ZNF519: variants seen among roughly 807,000 people sequenced by gnomAD.
ZNF519 encodes the protein zinc finger protein 519.
In ZNF519, 7 loss-of-function variants were observed where a neutral mutation model predicts 7.4. That is an observed-to-expected ratio of 0.94 (90% CI 0.54 to 1.77). The LOEUF is 1.77. Ranked by LOEUF, ZNF519 falls within the 40% of genes most tolerant of loss-of-function variation. The pLI, the probability that ZNF519 is intolerant of heterozygous loss-of-function variation, is 0.00. For synonymous variants in ZNF519, 179 were observed against 203.3 expected (o/e 0.88, Z 1.02); for missense variants, 586 against 623.1 (o/e 0.94, Z 0.63).
downstream of ZNF519, among the ~76,000 whole-genome samples, chr18:14,098,769 C>T (rs1037064067): frequency 3.9e-5 from 6 of 152,160 alleles, no homozygotes; most frequent in African/African-American, 7.2e-5. Flanking sequence ...TATTTAACCT[C>T]GGGACCTATT....
At chr18:14,129,264 C>A (rs1296459358) in intron 1 of ZNF519, among the ~76,000 whole-genome samples, 1 of 152,132 alleles carries the variant, frequency 6.6e-6, no homozygotes, top group Admixed American at 6.5e-5. Context: ...GTCTTCTAGG[C>A]ACCTGTGTAT....
intron 2 of ZNF519, among the ~76,000 whole-genome samples, chr18:14,107,985 G>A (rs1286193986): frequency 3.3e-5 from 5 of 152,162 alleles, no homozygotes; most frequent in Non-Finnish European, 5.9e-5. Flanking sequence ...TGGGCTTGCC[G>A]AGAGCCTGAG....
chr18:14,122,735 C>T (rs2046275786), intron 2 of ZNF519: 1 of 151,972 alleles, frequency 6.6e-6, no homozygotes, highest in Non-Finnish European at 1.5e-5. Context: ...AGCAAAGATT[C>T]CCAAACTACA....
At position 14,102,059 on chromosome 18, in the gene ZNF519, G is replaced by T; in HGVS notation, c.*2858C>A. ...GGTAGACCACAAATGAACAATCTTT[G>T]TCAACACCATTTTGTTAATTTGTGT... On this transcript the variant is annotated 3_prime_UTR_variant, in exon 3 of 3. Transcript: ENST00000590202. The T allele has an allele frequency of 4.0e-6, 1 of 249,574 alleles. No individual in the cohort carries two copies. 15.5% of individuals were successfully genotyped at this position (249,574 alleles called of 1,614,324 possible).
chr18:14,124,392 T>C lies in ZNF519; in HGVS notation c.88A>G (p.Arg30Gly), dbSNP rs2046285934. ...CLDPAQQNLY[R>G]DVMLENYRNL... is the part of the protein sequence containing the mutation. ...CTGTAGTTCTCCAACATCACATCTCTATATAAATTCTGTTGGGCAGGGTCT... is the reference window on the plus strand; with the variant it reads ...CTGTAGTTCTCCAACATCACATCTCCATATAAATTCTGTTGGGCAGGGTCT... The change falls in exon 2 of 3, where the codon AGA becomes GGA. Residue 30 changes from arginine (R) to glycine (G), a missense_variant. Coordinates refer to ENST00000590202, the MANE Select transcript of ZNF519 (RefSeq NM_145287.4). 4.3e-6 allele frequency: 7 copies of C among 1,612,186 alleles called. No individual in the cohort carries two copies. In the South Asian group the frequency reaches 6.6e-5, roughly 15 times the overall value.
intron 3 of ZNF519, among the ~76,000 whole-genome samples, chr18:14,081,852 G>A (rs2046071731): frequency 6.6e-6 from 1 of 152,008 alleles, no homozygotes; most frequent in Admixed American, 6.5e-5. Context: ...TTTTTCTGAA[G>A]CCTAACAAGA....
At chr18:14,097,163 G>A (rs1032622573), downstream of ZNF519, among the ~76,000 whole-genome samples, 6 of 152,156 alleles carry the variant, frequency 3.9e-5, no homozygotes, top group African/African-American at 1.4e-4. Flanking sequence ...TGGATGAGAG[G>A]TGAGCAGTAA....
At chr18:14,121,421 G>A (rs1426388163) in intron 2 of ZNF519, among the ~76,000 whole-genome samples, 4 of 151,680 alleles carry the variant, frequency 2.6e-5, no homozygotes, top group South Asian at 2.1e-4. Context: ...ATTTCACAAC[G>A]TATACACATA....
In ZNF519 at chr18:14,106,478, T is replaced by C. The variant is rs9953993; in HGVS notation, c.131-69A>G. ...AGTTGAATATACTTTACAAATCTAA[T>C]ATGAAATTTTGCCAAGCTGAGAACA... On this transcript the variant is annotated intron_variant, in intron 2 of 2. Transcript: ENST00000590202. 4.5e-3 allele frequency: 6,262 copies of C among 1,392,284 alleles called. 216 individuals carry two copies. The African/African-American group carries it at 0.075, about 17-fold the overall frequency. The allele number at this position is 1,392,284 out of a possible 1,614,324, so 86.2% of individuals were successfully genotyped here.
At chr18:14,129,510 G>A (rs546329374) in intron 1 of ZNF519, among the ~76,000 whole-genome samples, 3 of 152,220 alleles carry the variant, frequency 2.0e-5, no homozygotes, top group East Asian at 1.9e-4. Flanking sequence ...ACAGGACAAC[G>A]CACAGGGTGA....
chr18:14,079,223 C>G (rs6505873), intron 3 of ZNF519, among the ~76,000 whole-genome samples: 36,985 of 152,020 alleles, frequency 0.24, 4,989 homozygotes, highest in African/African-American at 0.33. Flanking sequence ...AGGAGGGAGA[C>G]CTGTAGTCCA....
At chr18:14,093,957 ATTCT>A (rs1217544552) in intron 2 of ZNF519, among the ~76,000 whole-genome samples, 7 of 152,248 alleles carry the variant, frequency 4.6e-5, no homozygotes, top group African/African-American at 1.7e-4. Flanking sequence ...TCAGCTAACA[ATTCT>A]TTGTCTCTCC....
chr18:14,105,350 A>C lies in ZNF519; in HGVS notation c.1190T>G (p.Met397Arg), dbSNP rs1274635216. 1.2e-6 allele frequency: 2 copies of C among 1,613,898 alleles called. No individual in the cohort carries two copies. The highest frequency in any genetic ancestry group is 2.7e-5 in the African/African-American group (2 of 74,860). Reference protein sequence around the residue: ...RSSYVTQHQRMHTGEKPFKCK... With the variant: ...RSSYVTQHQRRHTGEKPFKCK... ...CTTGAAAGGTTTCTCTCCAGTATGC[A>C]TTCTCTGATGCTGAGTAACGTATGA... The change falls in exon 3 of 3, where the codon ATG (methionine) becomes AGG (arginine). Residue 397 changes from methionine (M) to arginine (R), a missense_variant. Physicochemically the swap from Met to Arg is moderately conservative, Grantham distance 91. Transcript: ENST00000590202.
At chr18:14,075,211 T>C (rs893961628), downstream of ZNF519, 1 of 152,198 alleles carries the variant, frequency 6.6e-6, no homozygotes, top group African/African-American at 2.4e-5. Context: ...AAGATGAGGT[T>C]TGAGTGGGGA....
rs776565749 is a variant in ZNF519 at position 14,104,023 on chromosome 18, T to A, written c.*894A>T. The A allele has an allele frequency of 6.6e-6, 1 of 152,148 alleles. No individual in the cohort carries two copies. The highest frequency in any genetic ancestry group is 2.1e-4 in the South Asian group (1 of 4,832). The allele number at this position is 152,148 out of a possible 1,614,324, so 9.4% of individuals were successfully genotyped here. On this transcript the variant is annotated 3_prime_UTR_variant, in exon 3 of 3. Transcript: ENST00000590202. Reference sequence around the variant, plus strand: ...GATACCATGACCTATGTTAAAAAAATGTGTTCTCTCTTTTCTTAAACTGAG... The same window carrying A: ...GATACCATGACCTATGTTAAAAAAAAGTGTTCTCTCTTTTCTTAAACTGAG...
exon 5 of ZNF519, chr18:14,076,253 T>C (rs1177751828): frequency 6.6e-6 from 1 of 152,202 alleles, no homozygotes; most frequent in Non-Finnish European, 1.5e-5. Context: ...ATTTATAAAA[T>C]ATGATTGTGG....
At chr18:14,128,696 C>T (rs1323639184) in intron 1 of ZNF519, among the ~76,000 whole-genome samples, 6 of 76,908 alleles carry the variant, frequency 7.8e-5, no homozygotes, top group African/African-American at 1.8e-4. Flanking sequence ...GTCAAACACA[C>T]ACACACACAC....
At chr18:14,084,829 G>A (rs900295940) in intron 3 of ZNF519, 1 of 152,126 alleles carries the variant, frequency 6.6e-6, no homozygotes, top group Non-Finnish European at 1.5e-5. Flanking sequence ...TATAGAGAAA[G>A]TATTCTGGAA....
Position 14,115,279 on chromosome 18 carries a change from C to T in ZNF519, c.131-8870G>A, listed in dbSNP as rs79387955. On this transcript the variant is annotated intron_variant, in intron 2 of 2. Transcript: ENST00000590202. Reference sequence around the variant, plus strand: ...GAAAGAAGTGTGGAGTATGTGTCCACATCTCTGGTTTCCGAGGGGCTATCC... The same window carrying T: ...GAAAGAAGTGTGGAGTATGTGTCCATATCTCTGGTTTCCGAGGGGCTATCC... Among the ~76,000 whole-genome samples, 679 of 152,348 alleles carry T rather than the reference C, an allele frequency of 4.5e-3. 30 individuals are homozygous for T. In the East Asian group the frequency reaches 0.099, roughly 22 times the overall value.
Sources: gnomAD v4.1 joint callset for allele counts (sites outside exome capture counted in the v4.1 genomes callset) on GRCh38, gnomAD v4.1.1 for gene constraint, MANE v1.5 for transcripts, NCBI Gene and HGNC (gene_info 2026-07-23, HGNC 2026-07-21) for gene names.